The following NOL8 variants were observed in gnomAD, a reference collection of about 807,000 sequenced individuals.
NOL8 encodes the protein nucleolar protein Nop132.
NOL8 carries 93 observed loss-of-function variants against 116.1 expected under a neutral mutation model. The observed-to-expected ratio is 0.80, with a 90% CI of 0.68 to 0.95. The LOEUF (loss-of-function observed/expected upper bound fraction) is 0.95, where lower values mean the gene tolerates loss of function less well. Among genes scored for constraint, NOL8 ranks in the 40% least tolerant of loss-of-function variants. The pLI is 0.00. For synonymous variants in NOL8, 419 were observed against 469.0 expected (o/e 0.89, Z 1.38); for missense variants, 1,291 against 1,382.8 (o/e 0.93, Z 1.05).
At chr9:92,300,683 A>T in intron 13 of NOL8, 1 of 1,076,940 alleles carries the variant, frequency 9.3e-7, no homozygotes, top group South Asian at 2.4e-5. Context: ...ATGAAGTCTT[A>T]TTTGCAATAC....
chr9:92,298,850 T>TA, intron 15 of NOL8, 34 bp downstream of exon 15: 1 of 1,262,450 alleles, frequency 7.9e-7, no homozygotes, highest in Non-Finnish European at 1.1e-6. Context: ...TTACCTGTTC[T>TA]ATGTATGTAA....
chr9:92,324,037 C>T lies in NOL8; in HGVS notation c.125G>A (p.Arg42Gln), dbSNP rs201741030. 4.3e-6 allele frequency: 7 copies of T among 1,613,900 alleles called. No individual in the cohort carries two copies. In the East Asian group the frequency reaches 1.1e-4, roughly 26 times the overall value. The change falls in exon 2 of 17, where the codon CGG becomes CAG. Residue 42 changes from arginine to glutamine, a missense_variant. Coordinates refer to ENST00000442668, the MANE Select transcript of NOL8 (RefSeq NM_017948.6). ...CCATAAATTACCTTGGTCATCTTTC[C>T]GTGTGATGATCTCCACATCCGAAAC... ...GEVSDVEIIT[R>Q]KDDQGNPQKV... is the part of the protein sequence containing the mutation.
Position 92,310,251 on chromosome 9 carries a change from A to C in NOL8, c.2606T>G (p.Leu869Ter). The C allele has an allele frequency of 6.2e-7, 1 of 1,607,386 alleles. No homozygotes were observed. The highest frequency in any genetic ancestry group is 1.1e-5 in the South Asian group (1 of 89,556). ...EGRAGQKLMD[L>*]QSHFGTDDRF... ...GTCATCGGTGCCAAAGTGCGACTGT[A>C]AATCCATGAGCTACACAGACAGAAA... Residue 869 changes from leucine to a stop codon, truncating the protein, a stop_gained, in exon 10 of 17, where the codon TTA (leucine) becomes TGA (stop). Transcript: ENST00000442668. LOFTEE classifies it high-confidence loss of function.
At chr9:92,316,593 C>T (rs1432936947) in intron 6 of NOL8, among the ~76,000 whole-genome samples, 2 of 152,188 alleles carry the variant, frequency 1.3e-5, no homozygotes, top group African/African-American at 4.8e-5. Context: ...CTCATCCTAA[C>T]TCTGATTCTC....
intron 16 of NOL8, 73 bp downstream of exon 16, chr9:92,298,184 C>G (rs1837407857): frequency 2.6e-6 from 3 of 1,157,534 alleles, no homozygotes; most frequent in Non-Finnish European, 3.8e-6. Context: ...TTCATGAGTT[C>G]CCTTCCAGGA....
intron 10 of NOL8, among the ~76,000 whole-genome samples, 157 bp downstream of exon 10, chr9:92,310,010 TACAA>T (rs965497198): frequency 2.6e-5 from 4 of 152,234 alleles, no homozygotes; most frequent in African/African-American, 9.6e-5. Context: ...AATTACTATG[TACAA>T]ACAAACTTAG....
rs370259681 is a variant in NOL8, at chr9:92,300,030, A to G, written c.3176-14T>C. ...CTCTGTAGGTCTCTATATCGTTATG[A>G]CAACAAAAGATGATGGGATTGTAAC... On this transcript the variant is annotated splice_polypyrimidine_tract_variant and intron_variant, in intron 13 of 16. Coordinates refer to ENST00000442668, the MANE Select transcript of NOL8 (RefSeq NM_017948.6). 48 of 1,610,586 alleles carry G rather than the reference A, an allele frequency of 3.0e-5. No homozygotes were observed. The highest frequency in any genetic ancestry group is 8.0e-5 in the African/African-American group (6 of 74,928).
intron 1 of NOL8, chr9:92,324,905 C>G (rs1455166740): frequency 6.6e-6 from 1 of 152,116 alleles, no homozygotes; most frequent in Admixed American, 6.5e-5. Flanking sequence ...CAATGCCATA[C>G]CGAAAATTAG....
In NOL8 at chr9:92,324,410, C is replaced by A. The variant is rs1278970777; in HGVS notation, c.-48-201G>T. 3.1e-5 allele frequency: 14 copies of A among 445,948 alleles called. No homozygotes were observed. In the East Asian group the frequency reaches 5.1e-4, roughly 16 times the overall value. The allele number at this position is 445,948 out of a possible 1,614,324, so 27.6% of individuals were successfully genotyped here. ...TGAATGCACTTTGGAACAGCAACCC[C>A]ATACCCATATAGACACAGGTACAGA... On this transcript the variant is annotated intron_variant, in intron 1 of 16. Transcript: ENST00000442668.
Position 92,310,151 on chromosome 9 carries a change from C to T in NOL8, c.2686+20G>A. 6.4e-7 allele frequency: 1 copy of T among 1,561,784 alleles called. No homozygotes were observed. The highest frequency in any genetic ancestry group is 8.7e-7 in the Non-Finnish European group (1 of 1,143,458). ...TGTCCCCAGATATGACATCAGGACT[C>T]TGGACAATGAAGCATTTACCTTCCT... On this transcript the variant is annotated intron_variant, in intron 10 of 16. Transcript: ENST00000442668.
At chr9:92,322,280 G>A (rs1343142054) in intron 3 of NOL8, among the ~76,000 whole-genome samples, 3 of 152,212 alleles carry the variant, frequency 2.0e-5, no homozygotes, top group Non-Finnish European at 4.4e-5. Context: ...CGTAGTAATT[G>A]ATTTCTCTGA....
chr9:92,307,588 T>C (rs1210007110), intron 10 of NOL8, among the ~76,000 whole-genome samples: 1 of 152,094 alleles, frequency 6.6e-6, no homozygotes, highest in Non-Finnish European at 1.5e-5. Context: ...AGACAAAATA[T>C]CACAGAATAA....
At position 92,315,251 on chromosome 9, in the gene NOL8, A is replaced by G. The variant is rs1237698878; in HGVS notation, c.1374T>C (p.Asp458=). Residue 458 remains aspartate (D), a synonymous_variant, in exon 7 of 17, where the codon GAT becomes GAC. Coordinates refer to ENST00000442668, the MANE Select transcript of NOL8 (RefSeq NM_017948.6). ...CAGCTAATTCTGATGCAGAATCAGC[A>G]TCTTCACTGCTACTGGAGTGAGAGG... The part of the protein sequence containing the change: ...KSPSHSSSSE[D]ADSASELADS... 1 of 1,613,992 alleles carries G rather than the reference A, an allele frequency of 6.2e-7. No individual in the cohort carries two copies. Among genetic ancestry groups the G allele is most frequent in the Admixed American group, 1.7e-5 (1 of 60,024 alleles).
chr9:92,305,798 T>C lies in NOL8; in HGVS notation c.2858A>G (p.Asp953Gly). Residue 953 changes from aspartate (D) to glycine (G), a missense_variant, in exon 12 of 17, where the codon GAC becomes GGC. Asp to Gly is a moderately conservative substitution (Grantham distance 94). Coordinates refer to ENST00000442668, the MANE Select transcript of NOL8 (RefSeq NM_017948.6). ...DIIHYDPTKQ[D>G]HATYERKRDD... ...TCTTTTTCTTTCGTAAGTGGCATGG[T>C]CTTGCTTCGTTGGATCATAATGTAT... 6.2e-7 allele frequency: 1 copy of C among 1,612,912 alleles called. No homozygotes were observed. Among genetic ancestry groups the C allele is most frequent in the Non-Finnish European group, 8.5e-7 (1 of 1,179,090 alleles).
chr9:92,310,283 A>C, intron 9 of NOL8, 22 bp from the exon 10 acceptor site: 2 of 1,581,848 alleles, frequency 1.3e-6, no homozygotes. Flanking sequence ...GAAAACATAC[A>C]TAATTGATAG....
chr9:92,321,764 A>C lies in NOL8; in HGVS notation c.203-18T>G. The C allele has an allele frequency of 8.4e-7, 1 of 1,184,786 alleles. No individual in the cohort carries two copies. Among genetic ancestry groups the C allele is most frequent in the Non-Finnish European group, 1.2e-6 (1 of 843,282 alleles). The allele number at this position is 1,184,786 out of a possible 1,614,324, so 73.4% of individuals were successfully genotyped here. ...AGACATACCTATAAAGTAAAGAATTATTACAAGTACATGGCAATGTAAAAA... is the reference window on the plus strand; with the variant it reads ...AGACATACCTATAAAGTAAAGAATTCTTACAAGTACATGGCAATGTAAAAA... On this transcript the variant is annotated intron_variant, in intron 3 of 16. Transcript: ENST00000442668.
At chr9:92,300,161 A>T (rs77206615) in intron 13 of NOL8, 145 bp from the exon 14 acceptor site, 1 of 1,348,434 alleles carries the variant, frequency 7.4e-7, no homozygotes, top group Non-Finnish European at 9.6e-7. Context: ...TATCAAAAAA[A>T]TAGGTAGTAT....
At chr9:92,319,062 G>T in intron 5 of NOL8, 159 bp downstream of exon 5, 1 of 701,500 alleles carries the variant, frequency 1.4e-6, no homozygotes, top group Non-Finnish European at 2.1e-6. Context: ...CCTAAGAGTT[G>T]TAAATGCACC....
At chr9:92,301,924 C>G (rs1279561917) in intron 12 of NOL8, 102 bp from the exon 13 acceptor site, 7 of 880,572 alleles carry the variant, frequency 7.9e-6, no homozygotes, top group Middle Eastern at 3.3e-4. Flanking sequence ...TAATTCTATC[C>G]TATCAACAAC....
Sources: gnomAD v4.1 joint callset for allele counts (sites outside exome capture counted in the v4.1 genomes callset) on GRCh38, gnomAD v4.1.1 for gene constraint, MANE v1.5 for transcripts, NCBI Gene and HGNC (gene_info 2026-07-23, HGNC 2026-07-21) for gene names.